CHN1: variants seen among roughly 807,000 people sequenced by gnomAD.
The protein encoded by CHN1 is chimerin 1, also known as N-chimaerin.
CHN1 carries 37 observed loss-of-function variants against 59.5 expected under a neutral mutation model. That is an observed-to-expected ratio of 0.62 (90% confidence interval 0.48 to 0.82). CHN1 has a LOEUF of 0.82. Among genes scored for constraint, CHN1 ranks in the 40% least tolerant of loss-of-function variants. CHN1 has a pLI of 0.00. For missense variants in CHN1, 469 were observed against 571.0 expected, an observed-to-expected ratio of 0.82 and a Z score of 1.82; for synonymous variants, 206 against 200.4, an observed-to-expected ratio of 1.03 and a Z score of -0.24.
intron 1 of CHN1, among the ~76,000 whole-genome samples, chr2:174,997,994 CA>C (rs537594884): frequency 4.9e-3 from 369 of 74,772 alleles, no homozygotes; most frequent in Middle Eastern, 0.01. Flanking sequence ...CTCGGGGGCG[CA>C]AAAAAAAAAA....
chr2:175,002,092 T>A (rs1158244095), intron 1 of CHN1, among the ~76,000 whole-genome samples: 1 of 152,226 alleles, frequency 6.6e-6, no homozygotes, highest in African/African-American at 2.4e-5. Context: ...ATGTCTCTTG[T>A]ACGCTGTGAC....
intron 2 of CHN1, among the ~76,000 whole-genome samples, chr2:174,951,928 T>C (rs1053054522): frequency 2.0e-5 from 3 of 152,240 alleles, no homozygotes; most frequent in Non-Finnish European, 4.4e-5. Flanking sequence ...TTTCACTACA[T>C]GGAATTCATA....
intron 1 of CHN1, among the ~76,000 whole-genome samples, chr2:175,001,570 T>A (rs1279649231): frequency 2.0e-5 from 3 of 152,090 alleles, no homozygotes; most frequent in African/African-American, 7.2e-5. Context: ...TTAGAAGTGA[T>A]CTATGGTAGT....
intron 8 of CHN1, among the ~76,000 whole-genome samples, chr2:174,814,562 T>C (rs1482592266): frequency 2.6e-5 from 4 of 152,166 alleles, no homozygotes; most frequent in African/African-American, 9.7e-5. Flanking sequence ...TGTACCTCAG[T>C]TGTGTAAAAT....
intron 1 of CHN1, among the ~76,000 whole-genome samples, chr2:174,973,996 G>T (rs1690841775): frequency 6.6e-6 from 1 of 152,042 alleles, no homozygotes; most frequent in African/African-American, 2.4e-5. Context: ...ATACCTAGAG[G>T]TCTCAAGATA....
Position 174,857,165 on chromosome 2 carries a change from T to C in CHN1, c.550-10208A>G, listed in dbSNP as rs138669681. Among the ~76,000 whole-genome samples the C allele has an allele frequency of 4.4e-3, 676 of 152,228 alleles. 6 individuals carry two copies. The highest frequency in any genetic ancestry group is 0.015 in the African/African-American group (636 of 41,552). On this transcript the variant is annotated intron_variant, in intron 6 of 12. Coordinates refer to ENST00000409900, the MANE Select transcript of CHN1 (RefSeq NM_001822.7). ...TTGGTGGGAATGGAATTGGAGCAAG[T>C]AGAGTGAGATAAATTGAATACTTAA... is the stretch of plus-strand genomic sequence containing the variant.
At chr2:174,835,246 C>T (rs777980568) in intron 7 of CHN1, among the ~76,000 whole-genome samples, 17 of 152,176 alleles carry the variant, frequency 1.1e-4, no homozygotes, top group South Asian at 4.1e-4. Flanking sequence ...CAGGGGCCTT[C>T]GGTATCACTT....
chr2:174,837,410 GTCACCTCTAATACAAAAGACTGGAGGATA>G (rs1411563113), intron 7 of CHN1: 1 of 152,168 alleles, frequency 6.6e-6, no homozygotes, highest in Non-Finnish European at 1.5e-5. Flanking sequence ...TAGCCAAAAC[GTCACCTCTAATACAAAAGACTGGAGGATA>G]TCACCTAATG....
chr2:174,919,228 A>G (rs1277886914), intron 3 of CHN1, among the ~76,000 whole-genome samples: 2 of 152,240 alleles, frequency 1.3e-5, no homozygotes, highest in Non-Finnish European at 1.5e-5. Flanking sequence ...TGACAGACAG[A>G]CAATAAAGAA....
chr2:174,870,404 C>T (rs1432623121), intron 6 of CHN1, among the ~76,000 whole-genome samples: 1 of 152,126 alleles, frequency 6.6e-6, no homozygotes, highest in Non-Finnish European at 1.5e-5. Context: ...GTTTTCATAA[C>T]TTAAGTAAAG....
intron 1 of CHN1, among the ~76,000 whole-genome samples, chr2:175,004,214 A>C (rs1178854525): frequency 2.0e-5 from 3 of 152,218 alleles, no homozygotes; most frequent in African/African-American, 7.2e-5. Context: ...TGAGAAAAAA[A>C]CAGCTTGAAG....
chr2:174,955,773 C>A (rs560590144), intron 1 of CHN1, among the ~76,000 whole-genome samples: 2 of 152,258 alleles, frequency 1.3e-5, no homozygotes, highest in Non-Finnish European at 2.9e-5. Context: ...AGGCCATTAT[C>A]CTCAACAAAC....
At chr2:174,857,621 TC>T (rs1181018285) in intron 6 of CHN1, among the ~76,000 whole-genome samples, 2 of 152,190 alleles carry the variant, frequency 1.3e-5, no homozygotes, top group African/African-American at 2.4e-5. Flanking sequence ...ACAACATTCT[TC>T]CTAGGCTCTT....
intron 1 of CHN1, among the ~76,000 whole-genome samples, chr2:174,982,145 G>A (rs1691175409): frequency 6.6e-6 from 1 of 152,156 alleles, no homozygotes; most frequent in African/African-American, 2.4e-5. Flanking sequence ...TTTTATGACT[G>A]CATAGTATTC....
At chr2:174,836,269 G>A (rs1197874979) in intron 7 of CHN1, among the ~76,000 whole-genome samples, 2 of 152,182 alleles carry the variant, frequency 1.3e-5, no homozygotes, top group Admixed American at 6.5e-5. Flanking sequence ...ATTGATCAAT[G>A]TCTGGCTGTG....
intron 11 of CHN1, among the ~76,000 whole-genome samples, chr2:174,802,383 T>C (rs1684753546): frequency 6.6e-6 from 1 of 152,254 alleles, no homozygotes; most frequent in Admixed American, 6.5e-5. Context: ...TAAATTACTT[T>C]GTTTTATATA....
intron 6 of CHN1, among the ~76,000 whole-genome samples, chr2:174,858,337 C>T (rs1232006161): frequency 6.6e-6 from 1 of 152,056 alleles, no homozygotes; most frequent in African/African-American, 2.4e-5. Flanking sequence ...TATATTGATT[C>T]ATGGTATAAA....
chr2:174,839,551 C>T (rs1168354629), intron 7 of CHN1, among the ~76,000 whole-genome samples: 3 of 151,506 alleles, frequency 2.0e-5, no homozygotes, highest in Non-Finnish European at 4.4e-5. Flanking sequence ...CTTCTAGAAA[C>T]TTGTGAGCAA....
chr2:174,997,107 GC>G (rs1691733719), intron 1 of CHN1, among the ~76,000 whole-genome samples: 2 of 152,100 alleles, frequency 1.3e-5, no homozygotes, highest in South Asian at 4.1e-4. Context: ...TACATACTTC[GC>G]ACATATTAGG....
Sources: gnomAD v4.1 joint callset for allele counts (sites outside exome capture counted in the v4.1 genomes callset) on GRCh38, gnomAD v4.1.1 for gene constraint, MANE v1.5 for transcripts, NCBI Gene and HGNC (gene_info 2026-07-23, HGNC 2026-07-21) for gene names.